The following NELL2 variants were observed in gnomAD, a reference collection of about 807,000 sequenced individuals.
NELL2 encodes the protein protein kinase C-binding protein NELL2.
In NELL2, 41 loss-of-function variants were observed where a neutral mutation model predicts 109.6. The ratio of observed to expected loss-of-function variants is 0.37; its 90% confidence interval spans 0.29 to 0.49. The LOEUF (loss-of-function observed/expected upper bound fraction) is 0.49, where lower values mean the gene tolerates loss of function less well. Ranked by LOEUF, NELL2 falls within the 20% of genes least tolerant of loss-of-function variation. NELL2 has a pLI of 0.98. For missense variants in NELL2, 900 were observed against 1,008.3 expected (o/e 0.89, Z 1.45); for synonymous variants, 355 against 344.7 (o/e 1.03, Z -0.33).
chr12:44,913,553 T>C (rs924645010), intron 1 of NELL2, among the ~76,000 whole-genome samples: 4 of 152,108 alleles, frequency 2.6e-5, no homozygotes, highest in African/African-American at 9.7e-5. Flanking sequence ...CCAGAGATAA[T>C]TGGGAGGTCA....
chr12:44,840,629 C>A (rs1167813605), intron 2 of NELL2, among the ~76,000 whole-genome samples: 11 of 150,948 alleles, frequency 7.3e-5, no homozygotes, highest in Non-Finnish European at 1.3e-4. Flanking sequence ...GAGCGAGACT[C>A]CGTCTCAAAA....
Position 44,779,679 on chromosome 12 carries a change from G to A in NELL2, c.590C>T (p.Ala197Val), listed in dbSNP as rs1027889753. The A allele has an allele frequency of 3.7e-6, 6 of 1,612,916 alleles. No individual in the cohort carries two copies. The highest frequency in any genetic ancestry group is 2.2e-5 in the South Asian group (2 of 91,036). Residue 197 changes from alanine (A) to valine (V), a missense_variant, in exon 5 of 20, where the codon GCG becomes GTG. Ala to Val is a moderately conservative substitution (Grantham distance 64). Around this residue, in one of 4 missense-constraint regions of NELL2, gnomAD observed 75 missense variants for 118.9 expected, o/e 0.63. Transcript: ENST00000429094. ...TTFWLGQRNNAHGYFKGIMQD... is the reference protein window; with the variant it reads ...TTFWLGQRNNVHGYFKGIMQD... ...AAAAGATACCTTAAAATATCCATGCGCATTATTTCTCTGTCCTAGCCAAAA... is the reference window on the plus strand; with the variant it reads ...AAAAGATACCTTAAAATATCCATGCACATTATTTCTCTGTCCTAGCCAAAA...
chr12:44,739,733 A>G (rs1050199300), intron 9 of NELL2, among the ~76,000 whole-genome samples: 1 of 152,108 alleles, frequency 6.6e-6, no homozygotes, highest in African/African-American at 2.4e-5. Flanking sequence ...TCTAATAAAA[A>G]TACAAAAATT....
At chr12:44,736,572 T>C (rs1939666342) in intron 9 of NELL2, among the ~76,000 whole-genome samples, 1 of 151,916 alleles carries the variant, frequency 6.6e-6, no homozygotes, top group Non-Finnish European at 1.5e-5. Flanking sequence ...TGTGCTTTCT[T>C]AATGAAGCCA....
At chr12:44,609,404 C>G (rs895315018) in intron 14 of NELL2, among the ~76,000 whole-genome samples, 1 of 152,064 alleles carries the variant, frequency 6.6e-6, no homozygotes, top group Non-Finnish European at 1.5e-5. Context: ...TGAGGTTGGA[C>G]AGTGAGAGAT....
At chr12:44,767,773 C>T (rs188663413) in intron 9 of NELL2, among the ~76,000 whole-genome samples, 182 of 151,884 alleles carry the variant, frequency 1.2e-3, no homozygotes, top group Non-Finnish European at 2.3e-3. Context: ...ATATCATTTA[C>T]AATATATAAA....
chr12:44,667,091 C>G (rs565803946), intron 12 of NELL2, among the ~76,000 whole-genome samples: 1 of 152,290 alleles, frequency 6.6e-6, no homozygotes, highest in Admixed American at 6.5e-5. Context: ...TAAATGTTTC[C>G]ATTATAGATG....
At chr12:44,525,313 TTAAA>T (rs1278447798) in intron 16 of NELL2, among the ~76,000 whole-genome samples, 3 of 152,338 alleles carry the variant, frequency 2.0e-5, no homozygotes, top group Middle Eastern at 3.4e-3. Context: ...ATATGTATAC[TTAAA>T]TAAAGCACAT....
At chr12:44,623,582 C>T (rs1219462397) in intron 13 of NELL2, among the ~76,000 whole-genome samples, 1 of 151,908 alleles carries the variant, frequency 6.6e-6, no homozygotes, top group East Asian at 1.9e-4. Context: ...TAATTCTTCT[C>T]TCACTGTGCC....
intron 2 of NELL2, among the ~76,000 whole-genome samples, chr12:44,862,231 A>G (rs1477256265): frequency 6.6e-6 from 1 of 152,246 alleles, no homozygotes; most frequent in African/African-American, 2.4e-5. Flanking sequence ...CTCTGAGCTA[A>G]CTTTGCCATG....
chr12:44,623,578 T>C (rs1946133860), intron 13 of NELL2, among the ~76,000 whole-genome samples: 1 of 141,510 alleles, frequency 7.1e-6, no homozygotes, highest in Non-Finnish European at 1.5e-5. Context: ...TCAGTAATTC[T>C]TCTCTCACTG....
At position 44,744,081 on chromosome 12, in the gene NELL2, A is replaced by G. The variant is rs186845967; in HGVS notation, c.995-29340T>C. On this transcript the variant is annotated intron_variant, in intron 9 of 19. Coordinates refer to ENST00000429094, the MANE Select transcript of NELL2 (RefSeq NM_001145108.2). ...CACTCCTCAGCAAATGTAAAGGAAT[A>G]GAAATTATAACAAACTGTCTCTCAG... Among the ~76,000 whole-genome samples the G allele has an allele frequency of 1.4e-4, 21 of 152,328 alleles. No individual in the cohort carries two copies. The East Asian group carries it at 3.7e-3, about 27-fold the overall frequency.
At chr12:44,777,846 T>C (rs1173378617) in intron 5 of NELL2, among the ~76,000 whole-genome samples, 2 of 152,184 alleles carry the variant, frequency 1.3e-5, no homozygotes, top group East Asian at 1.9e-4. Flanking sequence ...CAGCAAAATA[T>C]AGTGATGAGT....
chr12:44,705,574 T>C (rs1055766947), intron 11 of NELL2, among the ~76,000 whole-genome samples: 2 of 152,194 alleles, frequency 1.3e-5, no homozygotes, highest in African/African-American at 4.8e-5. Context: ...ATTCAGATGA[T>C]ATTTCTTCAA....
chr12:44,768,688 A>T (rs760178846), intron 9 of NELL2, among the ~76,000 whole-genome samples: 3 of 152,168 alleles, frequency 2.0e-5, no homozygotes, highest in Non-Finnish European at 4.4e-5. Context: ...CAGACTTTCA[A>T]GAAATATTCT....
At chr12:44,586,287 T>C (rs1944497846) in intron 15 of NELL2, among the ~76,000 whole-genome samples, 1 of 149,268 alleles carries the variant, frequency 6.7e-6, no homozygotes, top group African/African-American at 2.4e-5. Context: ...AGTGTGATTA[T>C]ATATATATAG....
intron 13 of NELL2, among the ~76,000 whole-genome samples, chr12:44,635,350 C>A (rs1946599328): frequency 6.6e-6 from 1 of 152,132 alleles, no homozygotes; most frequent in South Asian, 2.1e-4. Context: ...GTCATGAAGT[C>A]TTTGCCCATG....
chr12:44,523,555 A>G, intron 16 of NELL2, 71 bp from the exon 17 acceptor site: 1 of 1,340,888 alleles, frequency 7.5e-7, no homozygotes, highest in Non-Finnish European at 1.1e-6. Context: ...CAATCAGGCC[A>G]GTTGTCTCCT....
chr12:44,844,855 C>T (rs1423082333), intron 2 of NELL2, among the ~76,000 whole-genome samples: 1 of 151,784 alleles, frequency 6.6e-6, no homozygotes, highest in African/African-American at 2.4e-5. Flanking sequence ...AGGATAATAC[C>T]CTGGAAGAGT....
Sources: gnomAD v4.1 joint callset for allele counts (sites outside exome capture counted in the v4.1 genomes callset) on GRCh38, gnomAD v4.1.1 for gene constraint, gnomAD v4.1.1 regional missense constraint, MANE v1.5 for transcripts, NCBI Gene and HGNC (gene_info 2026-07-23, HGNC 2026-07-21) for gene names.